Variants in MEAK7 observed in about 807,000 individuals in gnomAD.
MEAK7 encodes the protein MTOR-associated protein MEAK7.
A neutral mutation model predicts 40.5 loss-of-function variants in MEAK7; 68 were observed. The observed-to-expected ratio is 1.68, with a 90% CI of 1.38 to 2.06. The LOEUF (loss-of-function observed/expected upper bound fraction) is 2.06. Among genes scored for constraint, MEAK7 ranks in the 30% most tolerant of loss-of-function variants. The probability of loss-of-function intolerance (pLI) is 0.00; values close to 1 mark genes in which losing one functional copy is unlikely to be tolerated. For synonymous variants in MEAK7, 338 were observed against 231.9 expected (o/e 1.46, Z -4.16); for missense variants, 918 against 580.5 (o/e 1.58, Z -5.98).
intron 4 of MEAK7, chr16:84,488,481 G>A (rs1268373872): frequency 6.6e-6 from 1 of 151,670 alleles, no homozygotes; most frequent in South Asian, 2.1e-4. Context: ...CCCAACAACA[G>A]AATACACATT....
At chr16:84,498,245 C>G in intron 1 of MEAK7, 134 bp from the exon 2 acceptor site, 1 of 1,090,004 alleles carries the variant, frequency 9.2e-7, no homozygotes, top group Non-Finnish European at 1.3e-6. Context: ...ATCAGAGCTA[C>G]ATAATACTGG....
intron 4 of MEAK7, 144 bp downstream of exon 4, chr16:84,489,134 T>G (rs1374808437): frequency 9.3e-7 from 1 of 1,080,882 alleles, no homozygotes; most frequent in South Asian, 2.1e-5. Flanking sequence ...TTTTAAAATA[T>G]GCCAACAAAC....
chr16:84,503,905 T>C (rs988471913), intron 1 of MEAK7: 1 of 983,678 alleles, frequency 1.0e-6, no homozygotes, highest in African/African-American at 1.7e-5. Context: ...AAGCTCCAAC[T>C]CTCTACTCCA....
At chr16:84,502,167 G>T (rs946270730) in intron 1 of MEAK7, among the ~76,000 whole-genome samples, 1 of 151,788 alleles carries the variant, frequency 6.6e-6, no homozygotes, top group African/African-American at 2.4e-5. Flanking sequence ...GACAATGCAC[G>T]CTGGTGCTGG....
chr16:84,500,370 GGCC>G (rs1383960246), intron 1 of MEAK7, among the ~76,000 whole-genome samples: 1 of 152,104 alleles, frequency 6.6e-6, no homozygotes, highest in African/African-American at 2.4e-5. Context: ...CATTCTGAGG[GGCC>G]GCCAAGTGCT....
chr16:84,479,832 T>C lies in MEAK7; in HGVS notation c.*81A>G. ...GGTACGCTATTACAGTTAAACCATG[T>C]GGGAGGGAAGAGGGGCTGCAGGCGT... On this transcript the variant is annotated 3_prime_UTR_variant, in exon 8 of 8. Coordinates refer to ENST00000343629, the MANE Select transcript of MEAK7 (RefSeq NM_020947.4). 9.3e-7 allele frequency: 1 copy of C among 1,072,180 alleles called. No individual in the cohort carries two copies. Among genetic ancestry groups the C allele is most frequent in the Non-Finnish European group, 1.3e-6 (1 of 750,926 alleles). The allele number at this position is 1,072,180 out of a possible 1,614,324, so 66.4% of individuals were successfully genotyped here. A position where few individuals can be genotyped will look rare whatever the true frequency, so the allele number is the denominator to read the frequency against.
At chr16:84,482,435 C>G (rs1808791865) in intron 6 of MEAK7, among the ~76,000 whole-genome samples, 157 bp downstream of exon 6, 1 of 152,240 alleles carries the variant, frequency 6.6e-6, no homozygotes, top group Admixed American at 6.5e-5. Flanking sequence ...TCACTGCCCC[C>G]AGCACCGGCC....
chr16:84,482,510 T>C lies in MEAK7; in HGVS notation c.1077+82A>G, dbSNP rs1912653807. 3.7e-6 allele frequency: 6 copies of C among 1,607,126 alleles called. No homozygotes were observed. The Admixed American group carries it at 6.7e-5, about 18-fold the overall frequency. On this transcript the variant is annotated intron_variant, in intron 6 of 7. Coordinates refer to ENST00000343629, the MANE Select transcript of MEAK7 (RefSeq NM_020947.4). ...CTGAATGCCACGCGCCCTGCCCTGA[T>C]CTGTGGAGCTGAGCCTCGGGGTTGA...
At chr16:84,487,726 G>A (rs1325072937) in intron 4 of MEAK7, 2 of 152,340 alleles carry the variant, frequency 1.3e-5, no homozygotes, top group East Asian at 1.9e-4. Flanking sequence ...ACTAAGAGTG[G>A]AGGTGACAGT....
At chr16:84,499,557 T>C (rs556726340) in intron 1 of MEAK7, among the ~76,000 whole-genome samples, 8 of 152,282 alleles carry the variant, frequency 5.3e-5, no homozygotes, top group East Asian at 1.9e-4. Flanking sequence ...CATTTTAAAG[T>C]GTACAGTGGC....
At chr16:84,483,517 G>A (rs951349371) in intron 5 of MEAK7, among the ~76,000 whole-genome samples, 3 of 152,230 alleles carry the variant, frequency 2.0e-5, no homozygotes, top group African/African-American at 7.2e-5. Context: ...TTTGGGGTTG[G>A]GCTATTCATC....
rs1912252284 is a variant in MEAK7, at chr16:84,478,795, G to C, written c.*1118C>G. Reference sequence around the variant, plus strand: ...GGCAAATGGCTGCACTGACAGCTGTGACTCAGGCACTGGTTCCCAGAGATC... The same window carrying C: ...GGCAAATGGCTGCACTGACAGCTGTCACTCAGGCACTGGTTCCCAGAGATC... On this transcript the variant is annotated 3_prime_UTR_variant, in exon 8 of 8. Transcript: ENST00000343629. 1 of 152,402 alleles carries C rather than the reference G, an allele frequency of 6.6e-6. No individual in the cohort carries two copies. The highest frequency in any genetic ancestry group is 2.1e-4 in the South Asian group (1 of 4,836). 9.4% of individuals were successfully genotyped at this position (152,402 alleles called of 1,614,324 possible).
intron 3 of MEAK7, among the ~76,000 whole-genome samples, chr16:84,492,293 A>G (rs1054651809): frequency 1.3e-5 from 2 of 152,154 alleles, no homozygotes; most frequent in Admixed American, 6.5e-5. Context: ...CCACCTTTTC[A>G]TTTAAAGAAT....
intron 3 of MEAK7, chr16:84,494,721 G>C (rs1913900916): frequency 2.4e-6 from 1 of 411,428 alleles, no homozygotes; most frequent in South Asian, 1.7e-5. Flanking sequence ...GTAAAAATGA[G>C]CTTACCTAAA....
At chr16:84,504,040 G>C in intron 1 of MEAK7, 1 of 985,552 alleles carries the variant, frequency 1.0e-6, no homozygotes, top group Non-Finnish European at 1.2e-6. Context: ...AGAGGCCCTT[G>C]TGCGAAGGGG....
Position 84,480,906 on chromosome 16 carries a change from G to C in MEAK7, c.1078-198C>G, listed in dbSNP as rs1055363985. 2.6e-5 allele frequency among the ~76,000 whole-genome samples: 4 copies of C among 152,286 alleles called. No homozygotes were observed. In the East Asian group the frequency reaches 5.8e-4, roughly 22 times the overall value. ...TTAAGCATCCCATGCCAAGTTACTA[G>C]AACAGTCATCTATGTCTCCAGACAC... is the stretch of plus-strand genomic sequence containing the variant. On this transcript the variant is annotated intron_variant, in intron 6 of 7. Coordinates refer to ENST00000343629, the MANE Select transcript of MEAK7 (RefSeq NM_020947.4).
At chr16:84,482,053 G>A (rs955166704) in intron 6 of MEAK7, among the ~76,000 whole-genome samples, 1 of 152,186 alleles carries the variant, frequency 6.6e-6, no homozygotes, top group African/African-American at 2.4e-5. Flanking sequence ...CTGCCCTCGG[G>A]CCTGCCTGGA....
intron 3 of MEAK7, 32 bp from the exon 4 acceptor site, chr16:84,489,454 G>A (rs534605160): frequency 5.7e-6 from 9 of 1,584,258 alleles, no homozygotes; most frequent in Admixed American, 3.5e-5. Flanking sequence ...ATTAAAAACA[G>A]TTCCACCATA....
intron 6 of MEAK7, among the ~76,000 whole-genome samples, chr16:84,481,190 T>A (rs1324452032): frequency 2.0e-5 from 3 of 152,178 alleles, no homozygotes; most frequent in African/African-American, 4.8e-5. Context: ...GCTTACAGGA[T>A]GCGGAGGCAG....
Sources: allele counts gnomAD v4.1 joint callset (sites outside exome capture counted in the v4.1 genomes callset), GRCh38; gene constraint gnomAD v4.1.1; transcripts MANE v1.5; gene names NCBI Gene and HGNC (gene_info 2026-07-23, HGNC 2026-07-21).